The following SPINK5 variants were observed in gnomAD, a reference collection of about 807,000 sequenced individuals.
SPINK5 encodes serine protease inhibitor Kazal-type 5.
A neutral mutation model predicts 151.8 loss-of-function variants in SPINK5; 125 were observed. That is an observed-to-expected ratio of 0.82 (90% CI 0.71 to 0.96). The LOEUF is 0.96. Among genes scored for constraint, SPINK5 ranks in the 40% least tolerant of loss-of-function variants. The pLI is 0.00. For missense variants in SPINK5, 1,194 were observed against 1,291.9 expected, an observed-to-expected ratio of 0.92 and a Z score of 1.16; for synonymous variants, 374 against 395.3, an observed-to-expected ratio of 0.95 and a Z score of 0.64.
chr5:148,078,092 AATG>A (rs1752929952), intron 4 of SPINK5, among the ~76,000 whole-genome samples: 1 of 151,226 alleles, frequency 6.6e-6, no homozygotes, highest in Admixed American at 6.6e-5. Context: ...AAATAGTTGA[AATG>A]ATAACAGATC....
chr5:148,120,909 C>G (rs1754239658), intron 26 of SPINK5, among the ~76,000 whole-genome samples: 1 of 151,986 alleles, frequency 6.6e-6, no homozygotes, highest in African/African-American at 2.4e-5. Flanking sequence ...CTTTGAGAAG[C>G]TGAGGCGGGC....
intron 2 of SPINK5, among the ~76,000 whole-genome samples, chr5:148,067,140 C>T (rs373884063): frequency 6.6e-6 from 1 of 152,162 alleles, no homozygotes; most frequent in East Asian, 1.9e-4. Context: ...TTTGTCATCA[C>T]CTAAGAGTCA....
intron 7 of SPINK5, 165 bp from the exon 8 acceptor site, chr5:148,091,000 G>A (rs1753292877): frequency 1.6e-6 from 1 of 618,090 alleles, no homozygotes; most frequent in South Asian, 2.0e-5. Flanking sequence ...CTTATCTTTG[G>A]CAATTTCTCT....
At chr5:148,089,702 A>G in intron 7 of SPINK5, 81 bp downstream of exon 7, 2 of 1,598,370 alleles carry the variant, frequency 1.3e-6, no homozygotes, top group Non-Finnish European at 1.7e-6. Flanking sequence ...GAGAGATAAA[A>G]TCCTTTTCAT....
chr5:148,087,127 T>G (rs986328696), intron 5 of SPINK5, among the ~76,000 whole-genome samples: 1 of 151,784 alleles, frequency 6.6e-6, no homozygotes, highest in African/African-American at 2.4e-5. Context: ...TAATAATTTG[T>G]AATATTAGAG....
At chr5:148,136,117 T>C (rs897796260) in intron 32 of SPINK5, among the ~76,000 whole-genome samples, 1 of 152,180 alleles carries the variant, frequency 6.6e-6, no homozygotes, top group Non-Finnish European at 1.5e-5. Context: ...AGTGCTCTAC[T>C]ACCATTCCTT....
intron 19 of SPINK5, among the ~76,000 whole-genome samples, 186 bp downstream of exon 19, chr5:148,112,081 G>A (rs1182862666): frequency 6.6e-6 from 1 of 152,174 alleles, no homozygotes; most frequent in African/African-American, 2.4e-5. Context: ...TTCTTCAATA[G>A]TCTGAGAGGT....
intron 7 of SPINK5, among the ~76,000 whole-genome samples, chr5:148,090,188 T>C (rs1249438196): frequency 6.6e-6 from 1 of 151,920 alleles, no homozygotes; most frequent in Non-Finnish European, 1.5e-5. Flanking sequence ...AATTAGTCTT[T>C]CATATTCTGG....
intron 7 of SPINK5, 27 bp downstream of exon 7, chr5:148,089,648 T>C (rs1753257734): frequency 3.7e-6 from 6 of 1,611,174 alleles, no homozygotes; most frequent in Non-Finnish European, 5.1e-6. Flanking sequence ...CCAGGTGGAC[T>C]TGATGATGAT....
intron 11 of SPINK5, among the ~76,000 whole-genome samples, chr5:148,098,931 C>G (rs1753553403): frequency 6.6e-6 from 1 of 151,942 alleles, no homozygotes; most frequent in African/African-American, 2.4e-5. Context: ...AGTTTTGGTG[C>G]CTCTGTTATG....
chr5:148,071,141 A>G (rs968066457), intron 3 of SPINK5, among the ~76,000 whole-genome samples: 1 of 152,096 alleles, frequency 6.6e-6, no homozygotes, highest in Non-Finnish European at 1.5e-5. Flanking sequence ...GAATGTCCTA[A>G]TTTGTTTTTG....
intron 9 of SPINK5, 68 bp from the exon 10 acceptor site, chr5:148,095,750 A>C: frequency 7.5e-7 from 1 of 1,341,106 alleles, no homozygotes; most frequent in Non-Finnish European, 1.1e-6. Flanking sequence ...TTTTCCATCT[A>C]TACCTAATGA....
At chr5:148,101,992 G>T in intron 15 of SPINK5, 84 bp downstream of exon 15, 1 of 1,590,102 alleles carries the variant, frequency 6.3e-7, no homozygotes, top group East Asian at 2.3e-5. Flanking sequence ...TGTGAATAAT[G>T]CATTTTCTTC....
At chr5:148,119,850 A>G (rs756811417) in intron 24 of SPINK5, among the ~76,000 whole-genome samples, 159 bp from the exon 25 acceptor site, 1 of 152,164 alleles carries the variant, frequency 6.6e-6, no homozygotes, top group Non-Finnish European at 1.5e-5. Flanking sequence ...AGGTTCCAGG[A>G]ATTAGAACAT....
chr5:148,076,086 C>T (rs1257481210), intron 4 of SPINK5, among the ~76,000 whole-genome samples: 1 of 151,738 alleles, frequency 6.6e-6, no homozygotes, highest in Non-Finnish European at 1.5e-5. Flanking sequence ...GCTTAATAAA[C>T]ACAAAATGTC....
rs139286709 is a variant in SPINK5, at chr5:148,133,743, CTTA to C, written c.3096-49_3096-47del. On this transcript the variant is annotated intron_variant, in intron 31 of 32. Coordinates refer to ENST00000256084, the MANE Select transcript of SPINK5 (RefSeq NM_006846.4). ...CTGCATGTTGGTCCTTATTTATTTT[CTTA>C]TTATAACTGAGAACTTCCTCGTTGT... The C allele has an allele frequency of 1.8e-3, 2,845 of 1,577,066 alleles. 50 individuals are homozygous for C. The African/African-American group carries it at 0.033, about 18-fold the overall frequency.
At chr5:148,101,647 C>A in intron 14 of SPINK5, 134 bp from the exon 15 acceptor site, 1 of 1,364,924 alleles carries the variant, frequency 7.3e-7, no homozygotes, top group Non-Finnish European at 1.0e-6. Context: ...AAAATCCATG[C>A]CTTCAAAGTT....
At chr5:148,118,384 A>C (rs1419731596) in intron 22 of SPINK5, 53 bp from the exon 23 acceptor site, 1 of 1,612,112 alleles carries the variant, frequency 6.2e-7, no homozygotes, top group Non-Finnish European at 8.5e-7. Flanking sequence ...CAATTTACTA[A>C]GAATACAGTA....
chr5:148,090,230 C>G (rs1181193135), intron 7 of SPINK5, among the ~76,000 whole-genome samples: 1 of 151,826 alleles, frequency 6.6e-6, no homozygotes, highest in Non-Finnish European at 1.5e-5. Context: ...CTCTAATTCA[C>G]GTGCCAGCAA....
Sources: allele counts gnomAD v4.1 joint callset (sites outside exome capture counted in the v4.1 genomes callset), GRCh38; gene constraint gnomAD v4.1.1; transcripts MANE v1.5; gene names NCBI Gene and HGNC (gene_info 2026-07-23, HGNC 2026-07-21).